LRP1B: variants seen among roughly 807,000 people sequenced by gnomAD.
LRP1B encodes the protein low-density lipoprotein receptor-related protein 1B.
A neutral mutation model predicts 556.6 loss-of-function variants in LRP1B; 217 were observed. The ratio of observed to expected loss-of-function variants is 0.39; its 90% CI spans 0.35 to 0.44. The LOEUF (loss-of-function observed/expected upper bound fraction) is 0.44, where lower values mean the gene tolerates loss of function less well. LRP1B is among the 20% of genes least tolerant of loss of function. The probability of loss-of-function intolerance (pLI) is 1.00; values close to 1 mark genes in which losing one functional copy is unlikely to be tolerated. For synonymous variants in LRP1B, 2,047 were observed against 1,865.8 expected (o/e 1.10, Z -2.50); for missense variants, 5,053 against 5,620.8 (o/e 0.90, Z 3.23).
intron 3 of LRP1B, among the ~76,000 whole-genome samples, chr2:141,423,977 A>G (rs2104969760): frequency 6.6e-6 from 1 of 152,218 alleles, no homozygotes; most frequent in South Asian, 2.1e-4. Context: ...TATCACCTCT[A>G]TTTTGAAATT....
intron 5 of LRP1B, among the ~76,000 whole-genome samples, chr2:141,237,730 C>T (rs545003661): frequency 7.9e-5 from 12 of 152,152 alleles, no homozygotes; most frequent in East Asian, 3.9e-4. Context: ...TTTATAAGCA[C>T]GACAAAAGAC....
chr2:142,115,004 A>C (rs1226986670), intron 1 of LRP1B, among the ~76,000 whole-genome samples: 2 of 152,168 alleles, frequency 1.3e-5, no homozygotes, highest in African/African-American at 4.8e-5. Flanking sequence ...TGACGTGTCC[A>C]TAAATATGTA....
At chr2:140,466,740 A>G (rs1021906119) in intron 60 of LRP1B, among the ~76,000 whole-genome samples, 1 of 152,222 alleles carries the variant, frequency 6.6e-6, no homozygotes, top group Admixed American at 6.5e-5. Context: ...ACTGAAGAGT[A>G]TCCTGAAAAA....
At chr2:140,627,134 A>G (rs1390313403) in intron 41 of LRP1B, among the ~76,000 whole-genome samples, 4 of 152,200 alleles carry the variant, frequency 2.6e-5, no homozygotes, top group Admixed American at 6.5e-5. Context: ...AGAAAAAGCA[A>G]TGAGGATATG....
chr2:141,668,182 C>T (rs1574218613), intron 2 of LRP1B, among the ~76,000 whole-genome samples: 2 of 152,174 alleles, frequency 1.3e-5, no homozygotes, highest in Non-Finnish European at 1.5e-5. Flanking sequence ...CATTTCATTT[C>T]CCTTACCTTT....
intron 2 of LRP1B, among the ~76,000 whole-genome samples, chr2:141,544,420 C>A (rs1417584973): frequency 7.1e-6 from 1 of 140,960 alleles, no homozygotes; most frequent in Non-Finnish European, 1.5e-5. Flanking sequence ...TCCTTCTCCT[C>A]CTTCTCCTCC....
chr2:141,059,262 A>G (rs1699272701), intron 8 of LRP1B, among the ~76,000 whole-genome samples: 1 of 151,800 alleles, frequency 6.6e-6, no homozygotes, highest in Non-Finnish European at 1.5e-5. Flanking sequence ...TGTTTAAAAC[A>G]GTTCCAAATG....
chr2:140,400,161 A>G (rs1013689156), intron 66 of LRP1B, among the ~76,000 whole-genome samples: 2 of 152,082 alleles, frequency 1.3e-5, no homozygotes, highest in African/African-American at 4.8e-5. Flanking sequence ...GATATTCACC[A>G]TTTCTGTCCA....
chr2:140,841,745 C>A (rs1692111744), intron 29 of LRP1B, among the ~76,000 whole-genome samples: 1 of 152,038 alleles, frequency 6.6e-6, no homozygotes, highest in South Asian at 2.1e-4. Flanking sequence ...TTGAATTAGA[C>A]ATCTTTTAAA....
chr2:140,927,708 C>CTTTTTT (rs11441032), intron 20 of LRP1B, among the ~76,000 whole-genome samples: 5 of 116,100 alleles, frequency 4.3e-5, no homozygotes, highest in Non-Finnish European at 6.7e-5. Context: ...ACGAGGAAGG[C>CTTTTTT]TTTTTTTTTT....
At chr2:141,871,162 C>T (rs1271559232) in intron 1 of LRP1B, among the ~76,000 whole-genome samples, 1 of 151,972 alleles carries the variant, frequency 6.6e-6, no homozygotes, top group Admixed American at 6.6e-5. Flanking sequence ...TCACCAATCC[C>T]TCAACTTGAC....
intron 3 of LRP1B, among the ~76,000 whole-genome samples, chr2:141,345,530 T>A (rs1219238876): frequency 3.3e-5 from 5 of 152,004 alleles, no homozygotes; most frequent in Non-Finnish European, 7.4e-5. Context: ...GGTCTATACA[T>A]CTAGGCTAGA....
At chr2:140,637,963 CAGA>C (rs1306606460) in intron 41 of LRP1B, among the ~76,000 whole-genome samples, 9 of 152,140 alleles carry the variant, frequency 5.9e-5, no homozygotes, top group African/African-American at 7.2e-5. Context: ...TACTCTTCTA[CAGA>C]AGAAGTCATA....
At position 141,691,351 on chromosome 2, in the gene LRP1B, A is replaced by G. The variant is rs145998609; in HGVS notation, c.205+118928T>C. ...TCTAGTGTTCTTCTGATTTAGACCC[A>G]GAATTTATGGTGCTGTACTGTAGGC... On this transcript the variant is annotated intron_variant, in intron 2 of 90. Transcript: ENST00000389484. 3.9e-3 allele frequency among the ~76,000 whole-genome samples: 596 copies of G among 151,796 alleles called. 6 individuals carry two copies. The highest frequency in any genetic ancestry group is 0.013 in the African/African-American group (559 of 41,422).
chr2:142,038,106 C>T (rs895935), intron 1 of LRP1B, among the ~76,000 whole-genome samples: 111,740 of 151,380 alleles, frequency 0.74, 42,429 homozygotes, highest in East Asian at 0.98. Context: ...TAAAGCAACA[C>T]TTTTGATCTT....
At chr2:140,957,196 C>T (rs1695899233) in intron 18 of LRP1B, among the ~76,000 whole-genome samples, 2 of 151,694 alleles carry the variant, frequency 1.3e-5, no homozygotes, top group East Asian at 1.9e-4. Context: ...TGTATTGCTT[C>T]CCAGAGAAAG....
intron 41 of LRP1B, among the ~76,000 whole-genome samples, chr2:140,667,770 C>T (rs940848245): frequency 3.9e-5 from 6 of 152,172 alleles, no homozygotes; most frequent in African/African-American, 9.7e-5. Context: ...TCAGAATATA[C>T]GCTTTTTTGC....
At chr2:141,872,015 G>T (rs1235454879) in intron 1 of LRP1B, among the ~76,000 whole-genome samples, 1 of 151,914 alleles carries the variant, frequency 6.6e-6, no homozygotes, top group Non-Finnish European at 1.5e-5. Context: ...CTGGAACACA[G>T]AACTGTTCTT....
rs1686925384 is a variant in LRP1B, at chr2:140,708,610, A to ACTTAAACAAACAC, written c.6024-6058_6024-6057insGTGTTTGTTTAAG. 2.0e-5 allele frequency among the ~76,000 whole-genome samples: 3 copies of ACTTAAACAAACAC among 151,654 alleles called. No homozygotes were observed. The South Asian group carries it at 6.2e-4, about 31-fold the overall frequency. On this transcript the variant is annotated intron_variant, in intron 37 of 90. Transcript: ENST00000389484. ...TATATATGTGTTTACACCCTGCCTC[A>ACTTAAACAAACAC]TTGCCCATCCTCTCACTTAAACAAA...
Sources: allele counts gnomAD v4.1 joint callset (sites outside exome capture counted in the v4.1 genomes callset), GRCh38; gene constraint gnomAD v4.1.1; transcripts MANE v1.5; gene names NCBI Gene and HGNC (gene_info 2026-07-23, HGNC 2026-07-21).